FARS2: variants seen among roughly 807,000 people sequenced by gnomAD.
FARS2 encodes phenylalanyl-tRNA synthetase 2, mitochondrial.
Under a neutral mutation model 46.4 loss-of-function variants are expected in FARS2, and 40 were observed. The observed-to-expected ratio is 0.86, with a 90% CI of 0.67 to 1.12. The LOEUF is 1.12. FARS2 is among the 50% of genes most tolerant of loss of function. The probability of loss-of-function intolerance (pLI) is 0.00; values close to 1 mark genes in which losing one functional copy is unlikely to be tolerated. For synonymous variants in FARS2, 234 were observed against 214.9 expected, an observed-to-expected ratio of 1.09 and a Z score of -0.78; for missense variants, 513 against 567.9, an observed-to-expected ratio of 0.90 and a Z score of 0.98.
chr6:5,339,434 T>C (rs1267608164), intron 1 of FARS2, among the ~76,000 whole-genome samples: 1 of 144,822 alleles, frequency 6.9e-6, no homozygotes, highest in Admixed American at 6.9e-5. Flanking sequence ...AGGAGACTTC[T>C]TTTTTTTTTT....
intron 6 of FARS2, among the ~76,000 whole-genome samples, chr6:5,627,002 C>T (rs1008418207): frequency 6.6e-6 from 1 of 152,200 alleles, no homozygotes; most frequent in African/African-American, 2.4e-5. Context: ...AGTATCTGAA[C>T]ATATCTAAAC....
chr6:5,347,023 C>T (rs1267526097), intron 1 of FARS2, among the ~76,000 whole-genome samples: 1 of 151,892 alleles, frequency 6.6e-6, no homozygotes, highest in Non-Finnish European at 1.5e-5. Flanking sequence ...AAGTGATTCT[C>T]CTGCCTCAGC....
intron 6 of FARS2, among the ~76,000 whole-genome samples, chr6:5,689,758 A>G (rs1017790221): frequency 2.0e-5 from 3 of 152,122 alleles, no homozygotes. Flanking sequence ...TATGCTTGTT[A>G]ACTTCCTGTC....
intron 6 of FARS2, among the ~76,000 whole-genome samples, chr6:5,731,720 A>G (rs1217442035): frequency 1.3e-5 from 2 of 152,168 alleles, no homozygotes; most frequent in African/African-American, 2.4e-5. Context: ...ACTTTGGGAC[A>G]CGCTGTTTGA....
chr6:5,758,870 G>T (rs1343948602), intron 6 of FARS2, among the ~76,000 whole-genome samples: 1 of 152,086 alleles, frequency 6.6e-6, no homozygotes, highest in Non-Finnish European at 1.5e-5. Context: ...TAGTATGTGG[G>T]GTCCTCTTGC....
At chr6:5,549,356 G>T (rs1191993128) in intron 5 of FARS2, among the ~76,000 whole-genome samples, 2 of 152,066 alleles carry the variant, frequency 1.3e-5, no homozygotes, top group African/African-American at 4.8e-5. Context: ...GACAGACCCT[G>T]GTGTGTGATG....
chr6:5,627,840 A>G lies in FARS2; in HGVS notation c.1217+14520A>G, dbSNP rs61265120. On this transcript the variant is annotated intron_variant, in intron 6 of 6. Coordinates refer to ENST00000274680, the MANE Select transcript of FARS2 (RefSeq NM_006567.5). ...AGGCCACAACTTAACCTCAGTTGGC[A>G]GTGTTTTCCAGCTAGGTGACCAGAA... Among the ~76,000 whole-genome samples, 388 of 152,340 alleles carry G rather than the reference A, an allele frequency of 2.5e-3. 3 individuals are homozygous for G. Among genetic ancestry groups the G allele is most frequent in the African/African-American group, 9.0e-3 (373 of 41,582 alleles).
intron 6 of FARS2, among the ~76,000 whole-genome samples, chr6:5,665,938 G>A (rs1259844063): frequency 2.0e-5 from 3 of 152,146 alleles, no homozygotes; most frequent in Non-Finnish European, 4.4e-5. Context: ...TGAGGTGGCT[G>A]AATGTCATGA....
At chr6:5,443,092 T>C (rs1482225414) in intron 4 of FARS2, among the ~76,000 whole-genome samples, 1 of 152,234 alleles carries the variant, frequency 6.6e-6, no homozygotes, top group African/African-American at 2.4e-5. Context: ...TAAAGCACTT[T>C]CCATTTAACT....
intron 4 of FARS2, among the ~76,000 whole-genome samples, chr6:5,463,567 T>C (rs1056917126): frequency 1.3e-5 from 2 of 152,250 alleles, no homozygotes; most frequent in African/African-American, 4.8e-5. Context: ...TATACCTGTA[T>C]TGAAACTATC....
At chr6:5,279,008 C>T (rs1240413604) in intron 1 of FARS2, among the ~76,000 whole-genome samples, 1 of 152,108 alleles carries the variant, frequency 6.6e-6, no homozygotes, top group Non-Finnish European at 1.5e-5. Context: ...CTTGCAGATG[C>T]TTTGTGTAGG....
upstream of FARS2, among the ~76,000 whole-genome samples, chr6:5,260,367 C>T (rs1353827408): frequency 6.6e-6 from 1 of 152,232 alleles, no homozygotes; most frequent in Admixed American, 6.5e-5. Flanking sequence ...AAACATAACA[C>T]TAATCATGCT....
intron 4 of FARS2, among the ~76,000 whole-genome samples, chr6:5,438,101 A>G (rs996423499): frequency 2.0e-5 from 3 of 151,900 alleles, no homozygotes; most frequent in African/African-American, 7.2e-5. Flanking sequence ...TTCTGCCTCT[A>G]TAGTTCTAAA....
At position 5,348,340 on chromosome 6, in the gene FARS2, A is replaced by T. The variant is rs1581846178; in HGVS notation, c.-21-20210A>T. 7.3e-5 allele frequency among the ~76,000 whole-genome samples: 11 copies of T among 151,254 alleles called. No homozygotes were observed. In the South Asian group the frequency reaches 1.9e-3, roughly 26 times the overall value. On this transcript the variant is annotated intron_variant, in intron 1 of 6. Coordinates refer to ENST00000274680, the MANE Select transcript of FARS2 (RefSeq NM_006567.5). Reference sequence around the variant, plus strand: ...TCTTTGCTGTATCTTGAATGGATGTATGTGTGTGCTGTGAGATAGGAGCTC... The same window carrying T: ...TCTTTGCTGTATCTTGAATGGATGTTTGTGTGTGCTGTGAGATAGGAGCTC...
At chr6:5,728,270 T>C (rs1357651824) in intron 6 of FARS2, among the ~76,000 whole-genome samples, 1 of 152,266 alleles carries the variant, frequency 6.6e-6, no homozygotes, top group East Asian at 2.0e-4. Flanking sequence ...TAGCTGGGAA[T>C]GGGCTGGTTT....
chr6:5,365,700 T>C (rs138942058), intron 1 of FARS2, among the ~76,000 whole-genome samples: 3 of 152,054 alleles, frequency 2.0e-5, no homozygotes, highest in Non-Finnish European at 2.9e-5. Context: ...CCTCAGTCAG[T>C]TGAAAATTCC....
intron 5 of FARS2, among the ~76,000 whole-genome samples, chr6:5,584,107 T>TCACACACACACACACACACACACACA (rs1206613616): frequency 3.5e-5 from 1 of 28,210 alleles, no homozygotes; most frequent in Admixed American, 3.9e-4. Flanking sequence ...TTTCTCTCTC[T>TCACACACACACACACACACACACACA]GACACACACA....
chr6:5,430,891 T>C, intron 3 of FARS2, 150 bp from the exon 4 acceptor site: 1 of 665,756 alleles, frequency 1.5e-6, no homozygotes, highest in Non-Finnish European at 2.4e-6. Context: ...ATTTATTGCC[T>C]CACCCTAACA....
At chr6:5,597,440 G>A (rs948892544) in intron 5 of FARS2, among the ~76,000 whole-genome samples, 1 of 152,202 alleles carries the variant, frequency 6.6e-6, no homozygotes, top group Non-Finnish European at 1.5e-5. Context: ...GAAGCAGGGA[G>A]GAAGTCTGAG....
Sources: gnomAD v4.1 joint callset for allele counts (sites outside exome capture counted in the v4.1 genomes callset) on GRCh38, gnomAD v4.1.1 for gene constraint, MANE v1.5 for transcripts, NCBI Gene and HGNC (gene_info 2026-07-23, HGNC 2026-07-21) for gene names.